Variants in SZT2 observed in about 807,000 individuals in gnomAD.
SZT2 encodes SZT2 subunit of KICSTOR complex.
In SZT2, 216 loss-of-function variants were observed where a neutral mutation model predicts 404.2. That is an observed-to-expected ratio of 0.53 (90% CI 0.48 to 0.60). The LOEUF (loss-of-function observed/expected upper bound fraction) is 0.60. Among genes scored for constraint, SZT2 ranks in the 20% least tolerant of loss-of-function variants. The pLI is 0.00. For missense variants in SZT2, 3,857 were observed against 4,459.2 expected (o/e 0.86, Z 3.85); for synonymous variants, 1,693 against 1,749.9 (o/e 0.97, Z 0.81).
rs1383689509 is a variant in SZT2 at position 43,439,960 on chromosome 1, C to T, written c.7122C>T (p.Leu2374=). The part of the protein sequence containing the change: ...NISIVQLEEK[L]RGAARQALAD... ...GTATTGTGCAGCTGGAGGAGAAACT[C>T]CGAGGAGCAGCTCGCCAGGCCCTGG... The change falls in exon 51 of 72, where the codon CTC becomes CTT. Residue 2374 remains leucine, a synonymous_variant. Transcript: ENST00000634258. This position sits in a 1 kb window ranked among gnomAD's most constrained non-coding sequence, Gnocchi z 4.2. 2 of 1,613,908 alleles carry T rather than the reference C, an allele frequency of 1.2e-6. No homozygotes were observed. The highest frequency in any genetic ancestry group is 1.7e-6 in the Non-Finnish European group (2 of 1,179,980).
chr1:43,402,813 T>C (rs1169273334), intron 1 of SZT2, among the ~76,000 whole-genome samples: 1 of 152,190 alleles, frequency 6.6e-6, no homozygotes, highest in Non-Finnish European at 1.5e-5. Flanking sequence ...ATTAGGGACT[T>C]GTCCTGGTAT....
intron 40 of SZT2, among the ~76,000 whole-genome samples, chr1:43,433,437 A>G (rs1654137666): frequency 1.3e-5 from 2 of 152,362 alleles, no homozygotes; most frequent in South Asian, 4.1e-4. Context: ...CTCGCTGAGC[A>G]TTAACAACAT....
At position 43,420,136 on chromosome 1, in the gene SZT2, C is replaced by T. The variant is rs767710993; in HGVS notation, c.1091-17C>T. 1.3e-6 allele frequency: 2 copies of T among 1,597,358 alleles called. No individual in the cohort carries two copies. The highest frequency in any genetic ancestry group is 2.2e-5 in the South Asian group (2 of 90,970). On this transcript the variant is annotated splice_polypyrimidine_tract_variant and intron_variant, in intron 8 of 71. Coordinates refer to ENST00000634258, the MANE Select transcript of SZT2 (RefSeq NM_001365999.1). This position sits in a 1 kb window ranked among gnomAD's most constrained non-coding sequence, Gnocchi z 5.1. Reference sequence around the variant, plus strand: ...AGATAACCAGTTTCTCCTTCCCCATCTCCACTGGTCTTCCAGGCTCTCAGC... The same window carrying T: ...AGATAACCAGTTTCTCCTTCCCCATTTCCACTGGTCTTCCAGGCTCTCAGC...
chr1:43,453,861 C>A lies in SZT2; in HGVS notation c.*3381C>A. ...GCGGCGGGCGGCGGGCGGCGGGCGG[C>A]GGGCGGGGGCGGGGCTCTCCTTGCT... On this transcript the variant is annotated 3_prime_UTR_variant, in exon 72 of 72. Transcript: ENST00000634258. 2 of 757,906 alleles carry A rather than the reference C, an allele frequency of 2.6e-6. No individual in the cohort carries two copies. Among genetic ancestry groups the A allele is most frequent in the Non-Finnish European group, 3.5e-6 (2 of 574,654 alleles). 46.9% of individuals were successfully genotyped at this position (757,906 alleles called of 1,614,324 possible).
Position 43,416,104 on chromosome 1 carries a change from C to G in SZT2, c.772+3C>G, listed in dbSNP as rs906540814. 1 of 1,597,906 alleles carries G rather than the reference C, an allele frequency of 6.3e-7. No homozygotes were observed. The highest frequency in any genetic ancestry group is 8.5e-7 in the Non-Finnish European group (1 of 1,179,636). On this transcript the variant is annotated splice_donor_region_variant and intron_variant, in intron 6 of 71. Transcript: ENST00000634258. ...ACTACCCTCGAACTCTAGTGCAGGT[C>G]AGTAGAAGGAATATTGGTGGGACTG... is the stretch of plus-strand genomic sequence containing the variant.
At chr1:43,393,944 AGTAACTT>A (rs1178444619) in intron 1 of SZT2, 1 of 244,694 alleles carries the variant, frequency 4.1e-6, no homozygotes, top group Non-Finnish European at 6.5e-6. Context: ...GGAAAAATTA[AGTAACTT>A]GTCCAAGGTC....
Position 43,425,492 on chromosome 1 carries a change from CAAT to C in SZT2, c.2665_2667del (p.Asn889del), listed in dbSNP as rs1653034346. ...CCTTTAGCTTCTCGACAGATGATGACAATGATGTGGAAGTGGAGGCCCTGGAGG... is the reference window on the plus strand; with the variant it reads ...CCTTTAGCTTCTCGACAGATGATGACGATGTGGAAGTGGAGGCCCTGGAGG... On this transcript the variant is annotated inframe_deletion, in exon 19 of 72. Transcript: ENST00000634258. The surrounding 1 kb of genome is among the most constrained non-coding windows in gnomAD (Gnocchi z 4.3). 6.2e-7 allele frequency: 1 copy of C among 1,614,110 alleles called. No individual in the cohort carries two copies. Among genetic ancestry groups the C allele is most frequent in the African/African-American group, 1.3e-5 (1 of 75,046 alleles).
rs1312607468 is a variant in SZT2, at chr1:43,432,412, G to A, written c.5415G>A (p.Glu1805=). 1 of 1,583,966 alleles carries A rather than the reference G, an allele frequency of 6.3e-7. No homozygotes were observed. The highest frequency in any genetic ancestry group is 8.6e-7 in the Non-Finnish European group (1 of 1,166,802). The change falls in exon 37 of 72, where the codon GAG becomes GAA. Residue 1805 remains glutamate (E), a synonymous_variant. Coordinates refer to ENST00000634258, the MANE Select transcript of SZT2 (RefSeq NM_001365999.1). ...CGGCCTGGGCTTGGCACAGTCATGA[G>A]GACAGGGCTGAAGGCATCGAAGGGG... The part of the protein sequence containing the change: ...SSAAWAWHSH[E]DRAEGIEGET...
intron 15 of SZT2, among the ~76,000 whole-genome samples, chr1:43,423,544 A>AGCAGG (rs1373879435): frequency 1.7e-4 from 25 of 147,102 alleles, no homozygotes; most frequent in East Asian, 8.2e-4. Context: ...GGCGTGGCTT[A>AGCAGG]GTGGGGTATG....
rs566043182 is a variant in SZT2, at chr1:43,424,594, G to A, written c.2471+162G>A. 6.6e-6 allele frequency among the ~76,000 whole-genome samples: 1 copy of A among 152,218 alleles called. No individual in the cohort carries two copies. Among genetic ancestry groups the A allele is most frequent in the African/African-American group, 2.4e-5 (1 of 41,528 alleles). ...CCCTCCCTGTCTCCTCCCATCACCC[G>A]ATTTGTTTTGTCCTCTCTCATCCTC... On this transcript the variant is annotated intron_variant, in intron 16 of 71. Transcript: ENST00000634258. The surrounding 1 kb of genome is among the most constrained non-coding windows in gnomAD (Gnocchi z 4.1).
intron 7 of SZT2, among the ~76,000 whole-genome samples, chr1:43,419,274 C>G (rs1025938284): frequency 1.3e-5 from 2 of 152,238 alleles, no homozygotes; most frequent in African/African-American, 4.8e-5. Flanking sequence ...TTCCCACCTA[C>G]AGCTATTGTA....
Position 43,453,535 on chromosome 1 carries a change from C to T in SZT2, c.*3055C>T, listed in dbSNP as rs762356994. Reference sequence around the variant, plus strand: ...CGGGCCTCAGCCCCCGGCTCGGACACTCCCCTGCCCGCGCCCCGGCACCCC... The same window carrying T: ...CGGGCCTCAGCCCCCGGCTCGGACATTCCCCTGCCCGCGCCCCGGCACCCC... On this transcript the variant is annotated 3_prime_UTR_variant, in exon 72 of 72. Coordinates refer to ENST00000634258, the MANE Select transcript of SZT2 (RefSeq NM_001365999.1). The T allele has an allele frequency of 1.3e-6, 2 of 1,523,616 alleles. No individual in the cohort carries two copies. Among genetic ancestry groups the T allele is most frequent in the African/African-American group, 1.4e-5 (1 of 72,586 alleles). 94.4% of individuals were successfully genotyped at this position (1,523,616 alleles called of 1,614,324 possible).
chr1:43,421,218 C>G lies in SZT2; in HGVS notation c.1541C>G (p.Ser514Cys). 1 of 1,598,484 alleles carries G rather than the reference C, an allele frequency of 6.3e-7. No individual in the cohort carries two copies. ...DQMLAHLQSFSSVPEHFTLPD... is the reference protein window; with the variant it reads ...DQMLAHLQSFCSVPEHFTLPD... ...ATGCTTGCCCACCTTCAGTCCTTCT[C>G]CTCAGTGCCTGAGCATTTCACGCTT... Residue 514 changes from serine to cysteine, a missense_variant, in exon 11 of 72, where the codon TCC becomes TGC. By Grantham distance (112) the Ser-to-Cys change is moderately radical. Around this residue, in one of 7 missense-constraint regions of SZT2, gnomAD observed 39 missense variants for 89.7 expected, o/e 0.43. Transcript: ENST00000634258.
At chr1:43,428,989 A>G (rs1653524717) in intron 28 of SZT2, 1 of 162,648 alleles carries the variant, frequency 6.1e-6, no homozygotes. Flanking sequence ...TTGGGGAAAC[A>G]GAAGAACTAG....
chr1:43,424,782 A>G lies in SZT2; in HGVS notation c.2472-2A>G. 6.2e-7 allele frequency: 1 copy of G among 1,613,932 alleles called. No homozygotes were observed. Among genetic ancestry groups the G allele is most frequent in the Non-Finnish European group, 8.5e-7 (1 of 1,179,834 alleles). On this transcript the variant is annotated splice_acceptor_variant, in intron 16 of 71. Transcript: ENST00000634258. LOFTEE classifies it high-confidence loss of function. This position sits in a 1 kb window ranked among gnomAD's most constrained non-coding sequence, Gnocchi z 4.1. ...CTTGCCCCGGCCTTTATGGGGCTTC[A>G]GAGTCCGACTTTCTGAAGGATTCCA... is the stretch of plus-strand genomic sequence containing the variant.
chr1:43,453,057 CAG>C lies in SZT2; in HGVS notation c.*2578_*2579del. On this transcript the variant is annotated 3_prime_UTR_variant, in exon 72 of 72. Coordinates refer to ENST00000634258, the MANE Select transcript of SZT2 (RefSeq NM_001365999.1). Reference sequence around the variant, plus strand: ...TGTAAGCAGCTTTCTCTGATCCAGACAGGGTTAGGTGCCTACCCTGCTCCCAC... The same window carrying C: ...TGTAAGCAGCTTTCTCTGATCCAGACGGTTAGGTGCCTACCCTGCTCCCAC... 1 of 1,145,432 alleles carries C rather than the reference CAG, an allele frequency of 8.7e-7. No individual in the cohort carries two copies. The highest frequency in any genetic ancestry group is 1.9e-4 in the Middle Eastern group (1 of 5,192). 71.0% of individuals were successfully genotyped at this position (1,145,432 alleles called of 1,614,324 possible).
At chr1:43,443,167 A>G in intron 59 of SZT2, 21 bp from the exon 60 acceptor site, 1 of 1,614,046 alleles carries the variant, frequency 6.2e-7, no homozygotes, top group Non-Finnish European at 8.5e-7. Flanking sequence ...TGGGGCTACT[A>G]CTAATGCCCT....
chr1:43,407,739 C>T (rs769738124), intron 4 of SZT2, among the ~76,000 whole-genome samples: 1 of 149,416 alleles, frequency 6.7e-6, no homozygotes, highest in Non-Finnish European at 1.5e-5. Flanking sequence ...AAAGAAAAAA[C>T]AAAACTCATC....
chr1:43,440,314 C>T (rs1654927440), intron 51 of SZT2, 139 bp from the exon 52 acceptor site: 5 of 1,335,302 alleles, frequency 3.7e-6, no homozygotes, highest in Non-Finnish European at 5.1e-6. Context: ...TGCAGCAGCA[C>T]ACTATCAGTT....
Sources: allele counts gnomAD v4.1 joint callset (sites outside exome capture counted in the v4.1 genomes callset), GRCh38; gene constraint gnomAD v4.1.1; regional missense constraint gnomAD v4.1.1; non-coding constraint Gnocchi (gnomAD v3.1); transcripts MANE v1.5; gene names NCBI Gene and HGNC (gene_info 2026-07-23, HGNC 2026-07-21).